The following BPGM variants were observed in gnomAD, a reference collection of about 807,000 sequenced individuals.
BPGM encodes the protein bisphosphoglycerate mutase, also known as 2,3-bisphosphoglycerate mutase, erythrocyte.
A neutral mutation model predicts 21.6 loss-of-function variants in BPGM; 15 were observed. The observed-to-expected ratio is 0.70, with a 90% CI of 0.47 to 1.07. BPGM has a LOEUF of 1.07. Among genes scored for constraint, BPGM ranks in the 50% least tolerant of loss-of-function variants. BPGM has a pLI of 0.00. For synonymous variants in BPGM, 113 were observed against 116.2 expected (o/e 0.97, Z 0.18); for missense variants, 273 against 319.0 (o/e 0.86, Z 1.10).
intron 1 of BPGM, among the ~76,000 whole-genome samples, chr7:134,656,557 A>C (rs2131422015): frequency 6.6e-6 from 1 of 152,322 alleles, no homozygotes; most frequent in East Asian, 1.9e-4. Context: ...AGGGAAGCAA[A>C]CATGTCCTTC....
At position 134,649,198 on chromosome 7, in the gene BPGM, C is replaced by T. The variant is rs78942389; in HGVS notation, c.-62+2261C>T. ...TGTTTTTTTTTTTACTATAGTCACC[C>T]TGTTGTGCTAGCAAATACTAGGTCT... On this transcript the variant is annotated intron_variant, in intron 1 of 2. Transcript: ENST00000344924. Among the ~76,000 whole-genome samples the T allele has an allele frequency of 5.0e-3, 755 of 151,788 alleles. 14 individuals are homozygous for T. The East Asian group carries it at 0.077, about 16-fold the overall frequency.
intron 1 of BPGM, among the ~76,000 whole-genome samples, chr7:134,647,524 A>C (rs1454428971): frequency 3.3e-5 from 5 of 152,236 alleles, no homozygotes; most frequent in African/African-American, 1.2e-4. Context: ...AGCTGGTATT[A>C]CACTAGAGAA....
At chr7:134,655,237 C>T (rs1795618630) in intron 1 of BPGM, among the ~76,000 whole-genome samples, 1 of 152,128 alleles carries the variant, frequency 6.6e-6, no homozygotes, top group Non-Finnish European at 1.5e-5. Context: ...AGTAAGGTTC[C>T]TCTTTATAAG....
chr7:134,674,759 C>T lies in BPGM; in HGVS notation c.602-4094C>T, dbSNP rs374708686. On this transcript the variant is annotated intron_variant, in intron 2 of 2. Coordinates refer to ENST00000344924, the MANE Select transcript of BPGM (RefSeq NM_001724.5). The stretch of plus-strand genomic sequence containing the variant: ...AAGTTTTGTATAGACTCATATTTCA[C>T]TTCTCTTGGGTATATGCTTAGTAGT... 1.4e-3 allele frequency among the ~76,000 whole-genome samples: 217 copies of T among 152,262 alleles called. 5 individuals carry two copies. In the South Asian group the frequency reaches 0.042, roughly 30 times the overall value.
intron 2 of BPGM, among the ~76,000 whole-genome samples, chr7:134,675,238 CACAA>C (rs1342312884): frequency 6.6e-6 from 1 of 152,092 alleles, no homozygotes; most frequent in Non-Finnish European, 1.5e-5. Context: ...TCCTTTGAAG[CACAA>C]ACATTTTTAA....
intron 1 of BPGM, among the ~76,000 whole-genome samples, chr7:134,652,087 G>A (rs561553341): frequency 6.6e-6 from 1 of 152,192 alleles, no homozygotes; most frequent in Non-Finnish European, 1.5e-5. Flanking sequence ...TGATTTAAAT[G>A]TCTTCAGTAT....
At position 134,661,795 on chromosome 7, in the gene BPGM, C is replaced by G. The variant is rs775128216; in HGVS notation, c.288C>G (p.Ile96Met). Residue 96 changes from isoleucine to methionine, a missense_variant, in exon 2 of 3, where the codon ATC becomes ATG. Ile to Met is a conservative substitution (Grantham distance 10). Transcript: ENST00000344924. This position sits in a 1 kb window ranked among gnomAD's most constrained non-coding sequence, Gnocchi z 4.6. ...RLNERHYGAL[I>M]GLNREQMALN... The stretch of plus-strand genomic sequence containing the variant: ...ATGAGCGTCACTATGGGGCCTTGAT[C>G]GGTCTCAACAGGGAGCAGATGGCTT... The G allele has an allele frequency of 1.9e-6, 3 of 1,613,898 alleles. No individual in the cohort carries two copies. The highest frequency in any genetic ancestry group is 1.7e-5 in the Admixed American group (1 of 59,978).
At chr7:134,667,365 C>T (rs1482357264) in intron 2 of BPGM, among the ~76,000 whole-genome samples, 1 of 152,136 alleles carries the variant, frequency 6.6e-6, no homozygotes, top group East Asian at 1.9e-4. Flanking sequence ...TCTCCTTTTA[C>T]TTTCAAAAGT....
chr7:134,661,669 T>G lies in BPGM; in HGVS notation c.162T>G (p.Leu54=). ...AAGCGTTAAACTTTGAGTTTGATCT[T>G]GTATTCACATCTGTCCTTAATCGGT... ...QLKALNFEFD[L]VFTSVLNRSI... The change falls in exon 2 of 3, where the codon CTT becomes CTG. Residue 54 remains leucine, a synonymous_variant. Coordinates refer to ENST00000344924, the MANE Select transcript of BPGM (RefSeq NM_001724.5). This position sits in a 1 kb window ranked among gnomAD's most constrained non-coding sequence, Gnocchi z 4.6. The G allele has an allele frequency of 6.2e-7, 1 of 1,614,168 alleles. No individual in the cohort carries two copies. The highest frequency in any genetic ancestry group is 8.5e-7 in the Non-Finnish European group (1 of 1,180,024).
chr7:134,660,375 G>A (rs1795711136), intron 1 of BPGM: 2 of 152,342 alleles, frequency 1.3e-5, no homozygotes. Context: ...GAGATGGAGA[G>A]GCCGGGCGTG....
At chr7:134,673,635 G>T (rs1795940935) in intron 2 of BPGM, among the ~76,000 whole-genome samples, 1 of 152,182 alleles carries the variant, frequency 6.6e-6, no homozygotes, top group Non-Finnish European at 1.5e-5. Flanking sequence ...CTGGGGATCA[G>T]ACAAACTTAT....
At chr7:134,668,043 T>C (rs1795846274) in intron 2 of BPGM, among the ~76,000 whole-genome samples, 1 of 145,700 alleles carries the variant, frequency 6.9e-6, no homozygotes, top group South Asian at 2.3e-4. Context: ...TCCTCTTAGG[T>C]CTAGTCTTAG....
rs553830483 is a variant in BPGM, at chr7:134,650,856, C to T, written c.-62+3919C>T. On this transcript the variant is annotated intron_variant, in intron 1 of 2. Transcript: ENST00000344924. Reference sequence around the variant, plus strand: ...AGGACAATGGCACGAACCTGGGAGGCGGAGCTTGCAGCGAGCCGAGATCAC... The same window carrying T: ...AGGACAATGGCACGAACCTGGGAGGTGGAGCTTGCAGCGAGCCGAGATCAC... Among the ~76,000 whole-genome samples the T allele has an allele frequency of 5.3e-5, 8 of 152,210 alleles. No homozygotes were observed. The East Asian group carries it at 1.2e-3, about 22-fold the overall frequency.
chr7:134,664,407 C>T (rs533998069), intron 2 of BPGM, among the ~76,000 whole-genome samples: 3 of 152,254 alleles, frequency 2.0e-5, no homozygotes, highest in Admixed American at 6.5e-5. Context: ...TGGCATTCTC[C>T]TTGTGTGTGT....
rs543890030 is a variant in BPGM at position 134,675,769 on chromosome 7, T to C, written c.602-3084T>C. On this transcript the variant is annotated intron_variant, in intron 2 of 2. Coordinates refer to ENST00000344924, the MANE Select transcript of BPGM (RefSeq NM_001724.5). ...TTGTCAATTTATACAAAAAAGTCCA[T>C]TGAGATTTTTGATAGGATTGTATTG... Among the ~76,000 whole-genome samples the C allele has an allele frequency of 1.6e-4, 25 of 152,282 alleles. No individual in the cohort carries two copies. In the South Asian group the frequency reaches 2.7e-3, roughly 16 times the overall value.
intron 2 of BPGM, among the ~76,000 whole-genome samples, chr7:134,667,837 A>G (rs1274340119): frequency 1.3e-5 from 2 of 152,118 alleles, no homozygotes; most frequent in African/African-American, 2.4e-5. Flanking sequence ...AGTTTTACCT[A>G]CTGGGGCGGA....
At chr7:134,671,938 A>G (rs1795910785) in intron 2 of BPGM, among the ~76,000 whole-genome samples, 1 of 152,184 alleles carries the variant, frequency 6.6e-6, no homozygotes, top group South Asian at 2.1e-4. Context: ...GAGCATTTGC[A>G]CAAGCACCTC....
intron 2 of BPGM, among the ~76,000 whole-genome samples, chr7:134,673,397 G>A (rs1208066949): frequency 1.3e-5 from 2 of 151,902 alleles, no homozygotes; most frequent in South Asian, 2.1e-4. Context: ...GAAATATTAC[G>A]GCGGCCTTTG....
rs757985056 is a variant in BPGM at position 134,661,569 on chromosome 7, G to A, written c.62G>A (p.Arg21His). The A allele has an allele frequency of 3.5e-5, 57 of 1,614,042 alleles. No individual in the cohort carries two copies. The East Asian group carries it at 4.2e-4, about 12-fold the overall frequency. The change falls in exon 2 of 3, where the codon CGT becomes CAT. Residue 21 changes from arginine to histidine, a missense_variant. Transcript: ENST00000344924. This position sits in a 1 kb window ranked among gnomAD's most constrained non-coding sequence, Gnocchi z 4.6. ...GAGGGTGCTTGGAATAAGGAGAACCGTTTTTGTAGCTGGGTGGATCAGAAA... is the reference window on the plus strand; with the variant it reads ...GAGGGTGCTTGGAATAAGGAGAACCATTTTTGTAGCTGGGTGGATCAGAAA... Reference protein sequence around the residue: ...HGEGAWNKENRFCSWVDQKLN... With the variant: ...HGEGAWNKENHFCSWVDQKLN...
Sources: allele counts gnomAD v4.1 joint callset (sites outside exome capture counted in the v4.1 genomes callset), GRCh38; gene constraint gnomAD v4.1.1; non-coding constraint Gnocchi (gnomAD v3.1); transcripts MANE v1.5; gene names NCBI Gene and HGNC (gene_info 2026-07-23, HGNC 2026-07-21).